The following NTM variants were observed in gnomAD, a reference collection of about 807,000 sequenced individuals.
NTM encodes neurotrimin.
NTM carries 13 observed loss-of-function variants against 42.1 expected under a neutral mutation model. That is an observed-to-expected ratio of 0.31 (90% CI 0.20 to 0.49). The LOEUF is 0.49. Among genes scored for constraint, NTM ranks in the 20% least tolerant of loss-of-function variants. The pLI is 0.99. For synonymous variants in NTM, 187 were observed against 179.2 expected, an observed-to-expected ratio of 1.04 and a Z score of -0.35; for missense variants, 373 against 452.8, an observed-to-expected ratio of 0.82 and a Z score of 1.60.
intron 1 of NTM, among the ~76,000 whole-genome samples, chr11:131,558,910 T>A (rs2055830634): frequency 6.6e-6 from 1 of 152,050 alleles, no homozygotes; most frequent in South Asian, 2.1e-4. Context: ...CTCACGCTGA[T>A]CTCAGAAAAT....
intron 1 of NTM, among the ~76,000 whole-genome samples, chr11:131,760,155 T>C (rs898077369): frequency 6.6e-6 from 1 of 152,176 alleles, no homozygotes; most frequent in Admixed American, 6.5e-5. Context: ...CAAGGAGTTA[T>C]GAGAAGAAGC....
At chr11:132,021,008 A>G (rs1434357891) in intron 2 of NTM, among the ~76,000 whole-genome samples, 5 of 151,836 alleles carry the variant, frequency 3.3e-5, no homozygotes, top group Non-Finnish European at 7.4e-5. Context: ...TGCTCTCCTT[A>G]TGGGATTCCC....
chr11:131,913,790 A>G (rs770280955), intron 2 of NTM, among the ~76,000 whole-genome samples: 4 of 152,162 alleles, frequency 2.6e-5, no homozygotes, highest in African/African-American at 4.8e-5. Context: ...ATCTCCTGCC[A>G]TTCTGTGCCA....
chr11:132,041,836 C>T (rs574247392), intron 2 of NTM, among the ~76,000 whole-genome samples: 1 of 152,264 alleles, frequency 6.6e-6, no homozygotes, highest in East Asian at 1.9e-4. Flanking sequence ...GTCACTGACC[C>T]ACACTGAGGC....
intron 3 of NTM, among the ~76,000 whole-genome samples, chr11:132,162,633 G>A (rs919371141): frequency 2.0e-5 from 3 of 149,758 alleles, no homozygotes. Flanking sequence ...GTGTGTATGT[G>A]TGTGGGGCAT....
At chr11:131,619,047 C>T (rs1023892624) in intron 1 of NTM, among the ~76,000 whole-genome samples, 1 of 152,118 alleles carries the variant, frequency 6.6e-6, no homozygotes, top group African/African-American at 2.4e-5. Context: ...CGAAAACAAA[C>T]AACAACAATA....
intron 1 of NTM, among the ~76,000 whole-genome samples, chr11:131,399,166 T>C (rs879404256): frequency 5.3e-5 from 8 of 152,202 alleles, no homozygotes; most frequent in Non-Finnish European, 8.8e-5. Flanking sequence ...AGGTCCATTG[T>C]TCTTTAAAAA....
intron 1 of NTM, among the ~76,000 whole-genome samples, chr11:131,793,564 G>T (rs2091212326): frequency 6.6e-6 from 1 of 152,186 alleles, no homozygotes; most frequent in Non-Finnish European, 1.5e-5. Context: ...TAGCACCTAT[G>T]TGTTTCCATC....
At chr11:132,147,175 TTGTGTGTGTGTGTGTGTGTG>T (rs751528769) in intron 3 of NTM, among the ~76,000 whole-genome samples, 1 of 123,524 alleles carries the variant, frequency 8.1e-6, no homozygotes, top group Non-Finnish European at 1.6e-5. Context: ...CCTTGTATGT[TTGTGTGTGTGTGTGTGTGTG>T]TGTGTGTGTG....
At chr11:132,282,808 A>T (rs771676321) in intron 4 of NTM, among the ~76,000 whole-genome samples, 19 of 152,120 alleles carry the variant, frequency 1.2e-4, no homozygotes, top group Non-Finnish European at 2.4e-4. Context: ...ATGAATGCCT[A>T]TTAATAGGCA....
At chr11:131,694,530 G>A (rs1028472533) in intron 1 of NTM, among the ~76,000 whole-genome samples, 1 of 152,208 alleles carries the variant, frequency 6.6e-6, no homozygotes, top group Non-Finnish European at 1.5e-5. Flanking sequence ...GATGGAGAAA[G>A]TGACATCCCT....
At chr11:131,556,441 C>T (rs1455597655) in intron 1 of NTM, among the ~76,000 whole-genome samples, 1 of 152,138 alleles carries the variant, frequency 6.6e-6, no homozygotes, top group African/African-American at 2.4e-5. Flanking sequence ...TCAGAGTACC[C>T]AAGTTTAAAG....
At chr11:131,831,596 T>C (rs2042828023) in intron 1 of NTM, among the ~76,000 whole-genome samples, 1 of 152,188 alleles carries the variant, frequency 6.6e-6, no homozygotes. Flanking sequence ...ATGCCACTGC[T>C]TAAAACTTCC....
chr11:131,998,513 T>A lies in NTM; in HGVS notation c.167+86865T>A, dbSNP rs75331567. Among the ~76,000 whole-genome samples, 632 of 152,322 alleles carry A rather than the reference T, an allele frequency of 4.1e-3. 6 individuals are homozygous for A. The highest frequency in any genetic ancestry group is 0.014 in the African/African-American group (589 of 41,574). ...GCAAAGGGGATAGTACTTAACCAGCTGTTTTTATGCATTTTACCACGTAGC... is the reference window on the plus strand; with the variant it reads ...GCAAAGGGGATAGTACTTAACCAGCAGTTTTTATGCATTTTACCACGTAGC... On this transcript the variant is annotated intron_variant, in intron 2 of 8. Transcript: ENST00000683400.
intron 1 of NTM, among the ~76,000 whole-genome samples, chr11:131,462,798 C>A (rs1020144602): frequency 7.3e-5 from 11 of 151,688 alleles, no homozygotes; most frequent in Non-Finnish European, 1.3e-4. Context: ...GGTCCACCAC[C>A]TTCTCCCTAG....
intron 1 of NTM, among the ~76,000 whole-genome samples, chr11:131,568,425 C>T (rs2057112953): frequency 6.6e-6 from 1 of 152,248 alleles, no homozygotes. Context: ...GCTCTTTGCC[C>T]AAAGTCACAT....
intron 1 of NTM, among the ~76,000 whole-genome samples, chr11:131,704,399 C>T (rs1387395217): frequency 6.6e-6 from 1 of 152,224 alleles, no homozygotes; most frequent in Non-Finnish European, 1.5e-5. Flanking sequence ...CAGCCCCCTC[C>T]AGCATGAGGA....
rs113855792 is a variant in NTM at position 132,330,099 on chromosome 11, A to C, written c.935-54A>C. ...CCTGAAATCATCTGAGGGCAAAGTG[A>C]GCATCTCCGTCTGCTTTCGACCTTA... is the stretch of plus-strand genomic sequence containing the variant. On this transcript the variant is annotated intron_variant, in intron 7 of 8. Coordinates refer to ENST00000683400, the MANE Select transcript of NTM (RefSeq NM_001352005.2). 7,639 of 1,548,604 alleles carry C rather than the reference A, an allele frequency of 4.9e-3. 314 individuals carry two copies. In the African/African-American group the frequency reaches 0.091, roughly 18 times the overall value.
At chr11:131,639,224 A>T (rs2064819680) in intron 1 of NTM, among the ~76,000 whole-genome samples, 1 of 152,242 alleles carries the variant, frequency 6.6e-6, no homozygotes, top group African/African-American at 2.4e-5. Context: ...TAGCATAGAA[A>T]TAATTGTAGA....
Sources: allele counts gnomAD v4.1 joint callset (sites outside exome capture counted in the v4.1 genomes callset), GRCh38; gene constraint gnomAD v4.1.1; transcripts MANE v1.5; gene names NCBI Gene and HGNC (gene_info 2026-07-23, HGNC 2026-07-21).